Variants in SUB1 observed in about 807,000 individuals in gnomAD.
SUB1 encodes the protein SUB1 regulator of transcription.
A neutral mutation model predicts 16.9 loss-of-function variants in SUB1; 1 was observed. That is an observed-to-expected ratio of 0.06 (90% CI 0.02 to 0.28). SUB1 has a LOEUF of 0.28. SUB1 is among the 10% of genes least tolerant of loss of function. The probability of loss-of-function intolerance (pLI) is 1.00; values close to 1 mark genes in which losing one functional copy is unlikely to be tolerated. For synonymous variants in SUB1, 51 were observed against 46.9 expected (o/e 1.09, Z -0.36); for missense variants, 84 against 145.2 (o/e 0.58, Z 2.16).
At chr5:32,598,628 G>GT in intron 3 of SUB1, 1 of 176,932 alleles carries the variant, frequency 5.7e-6, no homozygotes, top group Non-Finnish European at 1.2e-5. Flanking sequence ...ATGATAGTAA[G>GT]TGATAAAATA....
At chr5:32,587,158 T>C (rs940582230) in intron 1 of SUB1, among the ~76,000 whole-genome samples, 2 of 152,220 alleles carry the variant, frequency 1.3e-5, no homozygotes, top group Non-Finnish European at 2.9e-5. Context: ...GTGCTACTGC[T>C]CAAGATCATC....
chr5:32,590,405 G>C (rs1052572177), intron 2 of SUB1, among the ~76,000 whole-genome samples: 1 of 151,648 alleles, frequency 6.6e-6, no homozygotes, highest in Non-Finnish European at 1.5e-5. Context: ...TTGAGAATGC[G>C]ACTTTCTAAT....
intron 1 of SUB1, chr5:32,586,006 C>G (rs987058789): frequency 6.6e-6 from 1 of 152,414 alleles, no homozygotes; most frequent in South Asian, 2.1e-4. Flanking sequence ...CTTCCCCCGC[C>G]CCTCGCCCTG....
intron 3 of SUB1, chr5:32,596,722 T>G (rs1738977449): frequency 1.3e-5 from 2 of 152,050 alleles, no homozygotes; most frequent in African/African-American, 2.4e-5. Context: ...ATCCAATGCG[T>G]GTGTATTTTT....
chr5:32,586,829 T>C (rs1738683394), intron 1 of SUB1, among the ~76,000 whole-genome samples: 1 of 152,250 alleles, frequency 6.6e-6, no homozygotes, highest in Non-Finnish European at 1.5e-5. Context: ...TTTTCCCTTC[T>C]GAATTTACCC....
At chr5:32,597,155 A>G (rs1461487490) in intron 3 of SUB1, 1 of 152,082 alleles carries the variant, frequency 6.6e-6, no homozygotes, top group Admixed American at 6.5e-5. Flanking sequence ...TAAAAACCAT[A>G]AAAGTATATT....
chr5:32,598,743 T>C (rs931568335), intron 3 of SUB1: 1 of 376,198 alleles, frequency 2.7e-6, no homozygotes, highest in African/African-American at 2.1e-5. Context: ...TTTTTCAAAT[T>C]GTCAAGTCTG....
rs1263318511 is a variant in SUB1 at position 32,603,824 on chromosome 5, T to C, written c.*2740T>C. The C allele has an allele frequency of 6.6e-6, 1 of 152,186 alleles. No individual in the cohort carries two copies. The highest frequency in any genetic ancestry group is 6.5e-5 in the Admixed American group (1 of 15,290). 9.4% of individuals were successfully genotyped at this position (152,186 alleles called of 1,614,324 possible). A position where few individuals can be genotyped will look rare whatever the true frequency, so the allele number is the denominator to read the frequency against. On this transcript the variant is annotated 3_prime_UTR_variant, in exon 5 of 5. Coordinates refer to ENST00000265073, the MANE Select transcript of SUB1 (RefSeq NM_006713.4). ...TTTAAAAAGTAAAAGTACTTAAATTTAGGTATCTCTCCTGAAATTCTTTGC... is the reference window on the plus strand; with the variant it reads ...TTTAAAAAGTAAAAGTACTTAAATTCAGGTATCTCTCCTGAAATTCTTTGC...
At chr5:32,599,623 A>G (rs797009704) in intron 4 of SUB1, among the ~76,000 whole-genome samples, 6 of 152,280 alleles carry the variant, frequency 3.9e-5, no homozygotes, top group African/African-American at 1.4e-4. Context: ...ACCCTCAGCT[A>G]AAGAAAAATG....
At chr5:32,597,316 T>G (rs1439182369) in intron 3 of SUB1, 1 of 152,208 alleles carries the variant, frequency 6.6e-6, no homozygotes, top group Non-Finnish European at 1.5e-5. Flanking sequence ...AGTGGAATCA[T>G]AAAGTATTAC....
chr5:32,601,402 CT>C lies in SUB1; in HGVS notation c.*322del. The stretch of plus-strand genomic sequence containing the variant: ...GCCAAAAGTAACAGTTTTTATAGAT[CT>C]TTTAGTTTCAACTCAGCTTTTACAA... On this transcript the variant is annotated 3_prime_UTR_variant, in exon 5 of 5. Transcript: ENST00000265073. 5.0e-6 allele frequency: 1 copy of C among 200,408 alleles called. No homozygotes were observed. Among genetic ancestry groups the C allele is most frequent in the Non-Finnish European group, 9.9e-6 (1 of 100,668 alleles). The allele number at this position is 200,408 out of a possible 1,614,324, so 12.4% of individuals were successfully genotyped here.
In SUB1 at chr5:32,602,697, T is replaced by C. The variant is rs1381895895; in HGVS notation, c.*1613T>C. 1.9e-5 allele frequency: 3 copies of C among 156,206 alleles called. No individual in the cohort carries two copies. Among genetic ancestry groups the C allele is most frequent in the African/African-American group, 7.2e-5 (3 of 41,462 alleles). 9.7% of individuals were successfully genotyped at this position (156,206 alleles called of 1,614,324 possible). ...TAAAGTATATTTAGCAGTAACCTTA[T>C]GAGGTTCAAATTGGTAAATCTCTTG... On this transcript the variant is annotated 3_prime_UTR_variant, in exon 5 of 5. Coordinates refer to ENST00000265073, the MANE Select transcript of SUB1 (RefSeq NM_006713.4).
chr5:32,590,205 A>C (rs991702684), intron 2 of SUB1, among the ~76,000 whole-genome samples: 2 of 152,190 alleles, frequency 1.3e-5, no homozygotes, highest in African/African-American at 4.8e-5. Context: ...GTAAACACTT[A>C]ACCTTGTATA....
rs998390837 is a variant in SUB1, at chr5:32,585,602, T to C, written c.-25T>C. On this transcript the variant is annotated 5_prime_UTR_variant, in exon 1 of 5. Transcript: ENST00000265073. ...CGCGAGCGAACGACCAAGAGGGTGTTCGACTGCTAGAGCCGAGCGAAGCGT... is the reference window on the plus strand; with the variant it reads ...CGCGAGCGAACGACCAAGAGGGTGTCCGACTGCTAGAGCCGAGCGAAGCGT... 36 of 152,196 alleles carry C rather than the reference T, an allele frequency of 2.4e-4. No individual in the cohort carries two copies. The highest frequency in any genetic ancestry group is 8.4e-4 in the African/African-American group (35 of 41,438). The allele number at this position is 152,196 out of a possible 1,614,324, so 9.4% of individuals were successfully genotyped here.
chr5:32,587,703 G>A (rs554573496), intron 1 of SUB1, among the ~76,000 whole-genome samples: 7 of 151,574 alleles, frequency 4.6e-5, no homozygotes, highest in African/African-American at 1.5e-4. Context: ...CTCTGCCTCC[G>A]GTGTTGAAGC....
At chr5:32,589,117 C>CT (rs1738751525) in intron 2 of SUB1, among the ~76,000 whole-genome samples, 1 of 151,700 alleles carries the variant, frequency 6.6e-6, no homozygotes, top group Non-Finnish European at 1.5e-5. Flanking sequence ...AAGACAGGGT[C>CT]TTACTCTCTT....
At chr5:32,586,176 C>T (rs576059775) in intron 1 of SUB1, 2 of 152,380 alleles carry the variant, frequency 1.3e-5, no homozygotes, top group African/African-American at 4.8e-5. Context: ...TTCGCCGCCT[C>T]CCACGCCCCC....
At chr5:32,596,763 G>A (rs563245952) in intron 3 of SUB1, 59 of 152,076 alleles carry the variant, frequency 3.9e-4, no homozygotes, top group African/African-American at 1.4e-3. Flanking sequence ...GACCTCTTAT[G>A]TCTGTCTTTA....
Position 32,602,887 on chromosome 5 carries a change from CTA to C in SUB1, c.*1805_*1806del, listed in dbSNP as rs1739150214. The C allele has an allele frequency of 6.6e-6, 1 of 151,982 alleles. No homozygotes were observed. The highest frequency in any genetic ancestry group is 1.5e-5 in the Non-Finnish European group (1 of 67,968). 9.4% of individuals were successfully genotyped at this position (151,982 alleles called of 1,614,324 possible). On this transcript the variant is annotated 3_prime_UTR_variant, in exon 5 of 5. Transcript: ENST00000265073. ...CTTTTTTGGGGAACATGTTTGTGTCCTATTAACTTAATTGGATAGATTTTTAA... is the reference window on the plus strand; with the variant it reads ...CTTTTTTGGGGAACATGTTTGTGTCCTTAACTTAATTGGATAGATTTTTAA...
Sources: gnomAD v4.1 joint callset for allele counts (sites outside exome capture counted in the v4.1 genomes callset) on GRCh38, gnomAD v4.1.1 for gene constraint, MANE v1.5 for transcripts, NCBI Gene and HGNC (gene_info 2026-07-23, HGNC 2026-07-21) for gene names.